Variants in SPMAP2L observed in about 807,000 individuals in gnomAD.
SPMAP2L encodes the protein sperm microtubule associated protein 2-like.
the SPMAP2L span, among the ~76,000 whole-genome samples, chr4:56,559,214 G>A: frequency 6.7e-6 from 1 of 148,252 alleles, no homozygotes; most frequent in Non-Finnish European, 1.5e-5. Context: ...GGCAGGAGAA[G>A]CACTTGAATC....
chr4:56,597,476 A>G, the SPMAP2L span, among the ~76,000 whole-genome samples: 1 of 152,144 alleles, frequency 6.6e-6, no homozygotes, highest in Non-Finnish European at 1.5e-5. Flanking sequence ...CATGTTGCCA[A>G]AAGAGGTGGG....
At chr4:56,593,666 C>G in the SPMAP2L span, 5 of 1,603,756 alleles carry the variant, frequency 3.1e-6, no homozygotes, top group Admixed American at 3.3e-5. Context: ...TTTTGCCGTC[C>G]GAGAAAGCTT....
chr4:56,624,968 A>G, the SPMAP2L span, among the ~76,000 whole-genome samples: 1 of 152,298 alleles, frequency 6.6e-6, no homozygotes, highest in African/African-American at 2.4e-5. Flanking sequence ...AACAGCTTGT[A>G]CTGTGCACCT....
the SPMAP2L span, among the ~76,000 whole-genome samples, chr4:56,540,630 G>A: frequency 4.2e-4 from 64 of 151,520 alleles, no homozygotes; most frequent in African/African-American, 1.5e-3. Context: ...GAAAAGAAAG[G>A]AAGAAAGAGA....
chr4:56,593,133 C>T, the SPMAP2L span: 5 of 1,576,966 alleles, frequency 3.2e-6, no homozygotes, highest in South Asian at 3.3e-5. Flanking sequence ...GGATGGATCA[C>T]CCAGTATACT....
chr4:56,613,031 G>A, the SPMAP2L span, among the ~76,000 whole-genome samples: 1 of 152,050 alleles, frequency 6.6e-6, no homozygotes, highest in Admixed American at 6.6e-5. Context: ...GCCCATAAGG[G>A]TCCCAAGCTG....
the SPMAP2L span, chr4:56,594,749 A>G: frequency 6.7e-7 from 1 of 1,487,500 alleles, no homozygotes; most frequent in Non-Finnish European, 9.4e-7. Context: ...CATCATGATT[A>G]CATACCCATC....
chr4:56,548,731 AATC>A, the SPMAP2L span: 5 of 1,234,620 alleles, frequency 4.0e-6, no homozygotes, highest in South Asian at 6.7e-5. Context: ...ATGCTATCTT[AATC>A]ATATCTTTGA....
chr4:56,595,856 G>A, the SPMAP2L span, among the ~76,000 whole-genome samples: 5,150 of 152,262 alleles, frequency 0.034, 248 homozygotes, highest in African/African-American at 0.11. Context: ...AATCTCTGTC[G>A]AGGTAAATGT....
At chr4:56,618,276 A>G in the SPMAP2L span, among the ~76,000 whole-genome samples, 1 of 152,212 alleles carries the variant, frequency 6.6e-6, no homozygotes, top group African/African-American at 2.4e-5. Context: ...ACAGTTGTAA[A>G]TAAGAAAGGC....
the SPMAP2L span, among the ~76,000 whole-genome samples, chr4:56,620,559 G>T: frequency 4.6e-5 from 7 of 152,102 alleles, no homozygotes; most frequent in Non-Finnish European, 1.0e-4. Flanking sequence ...CTAATTTTGT[G>T]TTTTTAGTAG....
chr4:56,588,275 C>T, the SPMAP2L span, among the ~76,000 whole-genome samples: 2 of 152,316 alleles, frequency 1.3e-5, no homozygotes, highest in Admixed American at 1.3e-4. Flanking sequence ...TGTCTGTTTA[C>T]TCTGCTGACT....
At chr4:56,606,485 A>G in the SPMAP2L span, among the ~76,000 whole-genome samples, 1 of 151,954 alleles carries the variant, frequency 6.6e-6, no homozygotes, top group East Asian at 1.9e-4. Context: ...TATTTCCCAT[A>G]TAGGTGCCCT....
chr4:56,625,788 G>C, the SPMAP2L span, among the ~76,000 whole-genome samples: 1 of 152,174 alleles, frequency 6.6e-6, no homozygotes, highest in Non-Finnish European at 1.5e-5. Context: ...TCAGCAGCAT[G>C]AAAACGGACT....
the SPMAP2L span, among the ~76,000 whole-genome samples, chr4:56,579,662 C>G: frequency 1.3e-5 from 2 of 152,038 alleles, no homozygotes; most frequent in East Asian, 3.9e-4. Context: ...CCCAGATACT[C>G]AGAGGCTGAG....
the SPMAP2L span, among the ~76,000 whole-genome samples, chr4:56,592,607 G>T: frequency 6.6e-6 from 1 of 152,192 alleles, no homozygotes; most frequent in South Asian, 2.1e-4. Context: ...GAGAGGGGCC[G>T]AGAGCGCGGC....
chr4:56,583,970 A>AT, the SPMAP2L span, among the ~76,000 whole-genome samples: 1,099 of 147,210 alleles, frequency 7.5e-3, 11 homozygotes, highest in African/African-American at 0.024. Flanking sequence ...TAAAATGTAA[A>AT]TTTTTTTTTT....
chr4:56,603,279 T>C, the SPMAP2L span: 1 of 1,534,878 alleles, frequency 6.5e-7, no homozygotes, highest in East Asian at 2.4e-5. Context: ...GAAAGCACAG[T>C]GTTCTCAAAG....
the SPMAP2L span, among the ~76,000 whole-genome samples, chr4:56,619,975 T>TC: frequency 6.6e-6 from 1 of 152,228 alleles, no homozygotes; most frequent in African/African-American, 2.4e-5. Context: ...TTGAGGAATG[T>TC]CATAGGCAGC....
Sources: gnomAD v4.1 joint callset for allele counts (sites outside exome capture counted in the v4.1 genomes callset) on GRCh38, gnomAD v4.1.1 for gene constraint, MANE v1.5 for transcripts, NCBI Gene and HGNC (gene_info 2026-07-23, HGNC 2026-07-21) for gene names.